The following VPS13C variants were observed in gnomAD, a reference collection of about 807,000 sequenced individuals.
VPS13C encodes the protein vacuolar protein sorting 13 homolog C.
VPS13C carries 358 observed loss-of-function variants against 456.8 expected under a neutral mutation model. The ratio of observed to expected loss-of-function variants is 0.78; its 90% CI spans 0.72 to 0.86. The LOEUF is 0.86. Among genes scored for constraint, VPS13C ranks in the 40% least tolerant of loss-of-function variants. VPS13C has a pLI of 0.00. For synonymous variants in VPS13C, 1,578 were observed against 1,486.7 expected, an observed-to-expected ratio of 1.06 and a Z score of -1.41; for missense variants, 4,818 against 4,385.4, an observed-to-expected ratio of 1.10 and a Z score of -2.79.
chr15:61,963,793 G>A, intron 32 of VPS13C, 42 bp downstream of exon 32: 1 of 1,419,070 alleles, frequency 7.0e-7, no homozygotes. Flanking sequence ...AGAAGGAAAA[G>A]TTTATCTTTT....
chr15:61,964,663 C>T, intron 31 of VPS13C, 36 bp downstream of exon 31: 2 of 1,562,734 alleles, frequency 1.3e-6, no homozygotes, highest in Non-Finnish European at 1.7e-6. Flanking sequence ...ATTCTAAAAC[C>T]CTTGCTAACA....
intron 27 of VPS13C, among the ~76,000 whole-genome samples, chr15:61,971,504 A>T (rs1457128093): frequency 6.6e-6 from 1 of 152,130 alleles, no homozygotes; most frequent in East Asian, 1.9e-4. Flanking sequence ...CAGATGATCC[A>T]CCCACCTCGG....
At chr15:61,916,414 T>C (rs903782931) in intron 60 of VPS13C, among the ~76,000 whole-genome samples, 2 of 152,178 alleles carry the variant, frequency 1.3e-5, no homozygotes, top group African/African-American at 4.8e-5. Flanking sequence ...GGTTCCCATA[T>C]GAATGGAATA....
At chr15:62,045,670 A>G (rs149443570) in intron 1 of VPS13C, among the ~76,000 whole-genome samples, 4 of 152,186 alleles carry the variant, frequency 2.6e-5, no homozygotes, top group African/African-American at 4.8e-5. Context: ...TTTTAGAATC[A>G]TTACTCAACT....
Position 61,866,861 on chromosome 15 carries a change from T to C in VPS13C, c.10863+1798A>G, listed in dbSNP as rs1202512832. On this transcript the variant is annotated intron_variant, in intron 81 of 84. Coordinates refer to ENST00000644861, the MANE Select transcript of VPS13C (RefSeq NM_020821.3). ...ATCCAACTGAACAATTATATGTTAA[T>C]AGTTTCATTCTCTTCAAATATACAA... 6.1e-6 allele frequency: 6 copies of C among 975,744 alleles called. No individual in the cohort carries two copies. The African/African-American group carries it at 1.1e-4, about 17-fold the overall frequency. The allele number at this position is 975,744 out of a possible 1,614,324, so 60.4% of individuals were successfully genotyped here.
At chr15:61,903,921 AAC>A (rs879365279) in intron 66 of VPS13C, among the ~76,000 whole-genome samples, 6 of 152,198 alleles carry the variant, frequency 3.9e-5, no homozygotes, top group African/African-American at 7.2e-5. Context: ...AAAACTGGAT[AAC>A]CATATGATGC....
At chr15:61,979,955 G>C (rs1330482261) in intron 22 of VPS13C, among the ~76,000 whole-genome samples, 1 of 151,896 alleles carries the variant, frequency 6.6e-6, no homozygotes, top group East Asian at 1.9e-4. Context: ...AGGCCAAGGT[G>C]AGCGGATCAC....
chr15:61,962,393 T>C lies in VPS13C; in HGVS notation c.3581A>G (p.His1194Arg). 9 of 1,589,638 alleles carry C rather than the reference T, an allele frequency of 5.7e-6. No homozygotes were observed. Among genetic ancestry groups the C allele is most frequent in the African/African-American group, 1.3e-5 (1 of 74,522 alleles). ...TACCAGAAGTGACATAAGGAATTTA[T>C]GAAGATAGACAATCTGAATACAGCC... ...NVGCIQIVYL[H>R]KFLMSLLNFL... Residue 1194 changes from histidine (H) to arginine (R), a missense_variant, in exon 34 of 85, where the codon CAT becomes CGT. His to Arg is a conservative substitution (Grantham distance 29, BLOSUM62 0). Coordinates refer to ENST00000644861, the MANE Select transcript of VPS13C (RefSeq NM_020821.3).
chr15:62,012,451 C>T (rs1596474988), intron 11 of VPS13C, among the ~76,000 whole-genome samples: 1 of 151,900 alleles, frequency 6.6e-6, no homozygotes, highest in Non-Finnish European at 1.5e-5. Context: ...CCATACACTG[C>T]GATTTCAGAC....
intron 2 of VPS13C, among the ~76,000 whole-genome samples, chr15:62,042,719 AT>A (rs1449212836): frequency 1.3e-5 from 2 of 152,066 alleles, no homozygotes; most frequent in Admixed American, 1.3e-4. Flanking sequence ...AAAAGTAAAA[AT>A]TCATCAATTT....
chr15:61,952,502 T>C (rs1348432425), intron 38 of VPS13C, among the ~76,000 whole-genome samples: 2 of 152,174 alleles, frequency 1.3e-5, no homozygotes, highest in South Asian at 2.1e-4. Context: ...ATGGACTTTA[T>C]ATATGTGTGT....
rs889759062 is a variant in VPS13C, at chr15:61,852,396, A to G, written c.*2061T>C. ...TAACACAAACCCACAAAGTTTTCAC[A>G]CCTGTAAACAATGTGCCAAATGTTT... On this transcript the variant is annotated 3_prime_UTR_variant, in exon 85 of 85. Coordinates refer to ENST00000644861, the MANE Select transcript of VPS13C (RefSeq NM_020821.3). The G allele has an allele frequency of 3.3e-5, 5 of 152,204 alleles. No individual in the cohort carries two copies. Among genetic ancestry groups the G allele is most frequent in the African/African-American group, 1.2e-4 (5 of 41,466 alleles). The allele number at this position is 152,204 out of a possible 1,614,324, so 9.4% of individuals were successfully genotyped here. A position where few individuals can be genotyped will look rare whatever the true frequency, so the allele number is the denominator to read the frequency against.
chr15:62,033,611 G>T, intron 4 of VPS13C, 69 bp from the exon 5 acceptor site: 1 of 1,136,220 alleles, frequency 8.8e-7, no homozygotes. Context: ...AAAAAGTTCA[G>T]CCTCATTAGG....
At chr15:62,022,892 CTT>C (rs1385657881) in intron 8 of VPS13C, among the ~76,000 whole-genome samples, 5 of 151,818 alleles carry the variant, frequency 3.3e-5, no homozygotes, top group African/African-American at 1.2e-4. Flanking sequence ...TGATGTTACT[CTT>C]TTGGTTATGA....
Position 61,941,964 on chromosome 15 carries a change from C to A in VPS13C, c.5252G>T (p.Ser1751Ile). 1 of 1,613,980 alleles carries A rather than the reference C, an allele frequency of 6.2e-7. No individual in the cohort carries two copies. The highest frequency in any genetic ancestry group is 8.5e-7 in the Non-Finnish European group (1 of 1,179,924). Residue 1751 changes from serine (S) to isoleucine (I), a missense_variant, in exon 46 of 85, where the codon AGT (serine) becomes ATT (isoleucine). Transcript: ENST00000644861. ...ATTAATATCCATCAAAAGGCGGAAA[C>A]TCTTTTGAGCCAAGTCTTTCATGCT... The part of the protein sequence containing the change: ...ASSMKDLAQK[S>I]FRLLMDINLK...
At chr15:61,924,982 C>G (rs1567010532) in intron 53 of VPS13C, among the ~76,000 whole-genome samples, 1 of 152,120 alleles carries the variant, frequency 6.6e-6, no homozygotes, top group Non-Finnish European at 1.5e-5. Context: ...GTGAATAAAA[C>G]AGTAAACTCC....
intron 9 of VPS13C, among the ~76,000 whole-genome samples, chr15:62,015,248 C>T (rs903056702): frequency 3.3e-5 from 5 of 152,106 alleles, no homozygotes; most frequent in African/African-American, 1.2e-4. Flanking sequence ...AAAGCTACCT[C>T]AAATTCATTT....
chr15:61,918,323 CACAA>C lies in VPS13C; in HGVS notation c.7639-70_7639-67del, dbSNP rs1401617093. The C allele has an allele frequency of 7.3e-6, 10 of 1,365,022 alleles. No individual in the cohort carries two copies. In the East Asian group the frequency reaches 2.3e-4, roughly 32 times the overall value. 84.6% of individuals were successfully genotyped at this position (1,365,022 alleles called of 1,614,324 possible). On this transcript the variant is annotated intron_variant, in intron 58 of 84. Coordinates refer to ENST00000644861, the MANE Select transcript of VPS13C (RefSeq NM_020821.3). ...TAAGTTCGAAAGAAAAAATGAGAGC[CACAA>C]ACAAATACTTTTAGATCTAAAAAAT...
intron 5 of VPS13C, among the ~76,000 whole-genome samples, chr15:62,030,493 C>T (rs2047777796): frequency 6.6e-6 from 1 of 152,070 alleles, no homozygotes; most frequent in Admixed American, 6.6e-5. Flanking sequence ...GCTTCCTATA[C>T]AGCCTACAGA....
Sources: gnomAD v4.1 joint callset for allele counts (sites outside exome capture counted in the v4.1 genomes callset) on GRCh38, gnomAD v4.1.1 for gene constraint, MANE v1.5 for transcripts, NCBI Gene and HGNC (gene_info 2026-07-23, HGNC 2026-07-21) for gene names.